The following TRIO variants were observed in gnomAD, a reference collection of about 807,000 sequenced individuals.
TRIO encodes trio Rho guanine nucleotide exchange factor, also known as triple functional domain protein.
Under a neutral mutation model 351.9 loss-of-function variants are expected in TRIO, and 58 were observed. The ratio of observed to expected loss-of-function variants is 0.16; its 90% CI spans 0.13 to 0.21. TRIO has a LOEUF of 0.21. Among genes scored for constraint, TRIO ranks in the 10% least tolerant of loss-of-function variants. The pLI, the probability that TRIO is intolerant of heterozygous loss-of-function variation, is 1.00. For missense variants in TRIO, 3,201 were observed against 4,027.8 expected, an observed-to-expected ratio of 0.79 and a Z score of 5.56; for synonymous variants, 1,758 against 1,595.7, an observed-to-expected ratio of 1.10 and a Z score of -2.42.
intron 40 of TRIO, among the ~76,000 whole-genome samples, chr5:14,474,396 C>T (rs553974545): frequency 2.0e-5 from 3 of 152,174 alleles, no homozygotes; most frequent in African/African-American, 2.4e-5. Context: ...TGACCCCGAG[C>T]CCTCGGCCTC....
intron 8 of TRIO, among the ~76,000 whole-genome samples, chr5:14,308,461 A>G (rs975758762): frequency 2.0e-5 from 3 of 146,934 alleles, no homozygotes; most frequent in African/African-American, 5.1e-5. Flanking sequence ...ATCCCCATCC[A>G]TTATTCCATC....
At chr5:14,219,169 A>G (rs164629) in intron 1 of TRIO, among the ~76,000 whole-genome samples, 83,735 of 151,894 alleles carry the variant, frequency 0.55, 23,427 homozygotes, top group Non-Finnish European at 0.6. Context: ...CTTAAGTTTA[A>G]GGCCAAGTGC....
At chr5:14,196,509 C>T (rs1276071467) in intron 1 of TRIO, among the ~76,000 whole-genome samples, 1 of 151,962 alleles carries the variant, frequency 6.6e-6, no homozygotes, top group African/African-American at 2.4e-5. Flanking sequence ...TGTTTTGCAC[C>T]TGTCATTTGA....
At chr5:14,147,536 C>G (rs2152113227) in intron 1 of TRIO, among the ~76,000 whole-genome samples, 1 of 152,266 alleles carries the variant, frequency 6.6e-6, no homozygotes, top group Non-Finnish European at 1.5e-5. Context: ...AAATGAATAT[C>G]TGGAGAATAA....
chr5:14,493,257 A>G (rs1469590739), intron 49 of TRIO, among the ~76,000 whole-genome samples: 1 of 149,082 alleles, frequency 6.7e-6, no homozygotes, highest in African/African-American at 2.6e-5. Flanking sequence ...AGACACAGGC[A>G]CACCTCAGGT....
intron 11 of TRIO, among the ~76,000 whole-genome samples, chr5:14,342,951 G>A (rs1302793454): frequency 1.3e-5 from 2 of 152,106 alleles, no homozygotes; most frequent in Admixed American, 6.6e-5. Flanking sequence ...CCATCGTCAA[G>A]TTGAAAAATC....
chr5:14,488,007 C>A lies in TRIO; in HGVS notation c.7379C>A (p.Pro2460Gln), dbSNP rs771188369. 1.3e-6 allele frequency: 2 copies of A among 1,580,158 alleles called. No individual in the cohort carries two copies. Among genetic ancestry groups the A allele is most frequent in the Non-Finnish European group, 1.7e-6 (2 of 1,164,336 alleles). The change falls in exon 48 of 57, where the codon CCG becomes CAG. Residue 2460 changes from proline (P) to glutamine (Q), a missense_variant. By Grantham distance (76) the Pro-to-Gln change is moderately conservative (BLOSUM62 -1). Around this residue, in one of 19 missense-constraint regions of TRIO, gnomAD observed 1,089 missense variants for 954.9 expected, o/e 1.14. Transcript: ENST00000344204. ...GGGGCCGCTTCGCCGCTGAACTCGC[C>A]GCTCTCCAGCGCGGTCCCTTCTCTC... ...RAGAASPLNS[P>Q]LSSAVPSLGK...
intron 1 of TRIO, among the ~76,000 whole-genome samples, chr5:14,215,951 C>T (rs1271111534): frequency 6.6e-6 from 1 of 152,146 alleles, no homozygotes; most frequent in African/African-American, 2.4e-5. Flanking sequence ...AATTCCATCC[C>T]CTCCACTTAA....
chr5:14,224,724 T>G (rs1041661368), intron 1 of TRIO, among the ~76,000 whole-genome samples: 3 of 152,256 alleles, frequency 2.0e-5, no homozygotes, highest in Admixed American at 2.0e-4. Flanking sequence ...CGTTAGTTGT[T>G]TTTGGAGGAC....
intron 1 of TRIO, among the ~76,000 whole-genome samples, chr5:14,180,440 C>T (rs1345876280): frequency 6.6e-6 from 1 of 152,126 alleles, no homozygotes; most frequent in Non-Finnish European, 1.5e-5. Flanking sequence ...GATTGTTTGC[C>T]TTCTAAAGAA....
intron 1 of TRIO, among the ~76,000 whole-genome samples, chr5:14,248,019 T>C (rs1333815163): frequency 6.6e-6 from 1 of 151,026 alleles, no homozygotes; most frequent in Non-Finnish European, 1.5e-5. Context: ...TGAGCCGAGA[T>C]TGCGCCACTG....
chr5:14,198,324 T>C (rs1249655787), intron 1 of TRIO, among the ~76,000 whole-genome samples: 2 of 152,306 alleles, frequency 1.3e-5, no homozygotes, highest in South Asian at 2.1e-4. Flanking sequence ...CTTCTTGATG[T>C]GGTGAAGCAT....
chr5:14,255,837 G>A (rs1375832509), intron 1 of TRIO, among the ~76,000 whole-genome samples: 1 of 152,172 alleles, frequency 6.6e-6, no homozygotes, highest in Non-Finnish European at 1.5e-5. Flanking sequence ...GGTGTTCAAA[G>A]ACTTTAGGAA....
At chr5:14,272,162 A>G (rs1407029365) in intron 2 of TRIO, among the ~76,000 whole-genome samples, 1 of 152,236 alleles carries the variant, frequency 6.6e-6, no homozygotes, top group African/African-American at 2.4e-5. Context: ...AGCTTTGCGA[A>G]CCCCTGATTT....
chr5:14,256,441 C>T (rs1002252146), intron 1 of TRIO, among the ~76,000 whole-genome samples: 2 of 152,134 alleles, frequency 1.3e-5, no homozygotes, highest in East Asian at 1.9e-4. Context: ...ATAGTGGTTA[C>T]GTCTAGAGCC....
intron 29 of TRIO, among the ~76,000 whole-genome samples, chr5:14,398,266 TC>T (rs1747780653): frequency 6.6e-6 from 1 of 152,170 alleles, no homozygotes; most frequent in African/African-American, 2.4e-5. Context: ...GCAGGCCACT[TC>T]CATGAAGAGA....
rs150431198 is a variant in TRIO at position 14,497,854 on chromosome 5, A to G, written c.8027A>G (p.Asn2676Ser). Reference protein sequence around the residue: ...LSNKVSVKLLNPNYIYDVPPE... With the variant: ...LSNKVSVKLLSPNYIYDVPPE... Reference sequence around the variant, plus strand: ...TTGCTGTTTCCATTTCAGCTTCTCAATCCCAACTACATTTATGACGGTGAG... The same window carrying G: ...TTGCTGTTTCCATTTCAGCTTCTCAGTCCCAACTACATTTATGACGGTGAG... The change falls in exon 51 of 57, where the codon AAT becomes AGT. Residue 2676 changes from asparagine to serine, a missense_variant. Asn to Ser is a conservative substitution (Grantham distance 46). This residue lies in a region of TRIO where 1,089 missense variants were observed against 954.9 expected (regional missense o/e 1.14). Coordinates refer to ENST00000344204, the MANE Select transcript of TRIO (RefSeq NM_007118.4). The surrounding 1 kb of genome is among the most constrained non-coding windows in gnomAD (Gnocchi z 4.4). 153 of 1,614,044 alleles carry G rather than the reference A, an allele frequency of 9.5e-5. No homozygotes were observed. The highest frequency in any genetic ancestry group is 1.1e-4 in the Non-Finnish European group (135 of 1,180,044).
At chr5:14,377,957 G>T in intron 19 of TRIO, 55 bp from the exon 20 acceptor site, 3 of 1,321,898 alleles carry the variant, frequency 2.3e-6, no homozygotes, top group East Asian at 2.4e-5. Flanking sequence ...GGAATTTCGC[G>T]GTTGTTTTAA....
chr5:14,414,282 G>A (rs1476284893), intron 33 of TRIO, among the ~76,000 whole-genome samples: 1 of 152,270 alleles, frequency 6.6e-6, no homozygotes, highest in Non-Finnish European at 1.5e-5. Context: ...CTAAAAGCAA[G>A]AGTACAATGT....
Sources: gnomAD v4.1 joint callset for allele counts (sites outside exome capture counted in the v4.1 genomes callset) on GRCh38, gnomAD v4.1.1 for gene constraint, gnomAD v4.1.1 regional missense constraint, Gnocchi (gnomAD v3.1) non-coding constraint, MANE v1.5 for transcripts, NCBI Gene and HGNC (gene_info 2026-07-23, HGNC 2026-07-21) for gene names.